The following HMCN1 variants were observed in gnomAD, a reference collection of about 807,000 sequenced individuals.
HMCN1 encodes hemicentin 1.
Under a neutral mutation model 625.9 loss-of-function variants are expected in HMCN1, and 321 were observed. The observed-to-expected ratio is 0.51, with a 90% CI of 0.47 to 0.56. HMCN1 has a LOEUF of 0.56. Among genes scored for constraint, HMCN1 ranks in the 20% least tolerant of loss-of-function variants. HMCN1 has a pLI of 0.00. For missense variants in HMCN1, 6,588 were observed against 6,887.3 expected, an observed-to-expected ratio of 0.96 and a Z score of 1.54; for synonymous variants, 2,425 against 2,417.6, an observed-to-expected ratio of 1.00 and a Z score of -0.09.
intron 72 of HMCN1, 134 bp downstream of exon 72, chr1:186,113,087 G>A: frequency 2.1e-6 from 2 of 972,784 alleles, no homozygotes; most frequent in Non-Finnish European, 3.1e-6. Context: ...AGGCAACGTG[G>A]AGTATTTGTA....
chr1:186,038,725 A>G, intron 37 of HMCN1, 104 bp from the exon 38 acceptor site: 1 of 728,562 alleles, frequency 1.4e-6, no homozygotes, highest in Non-Finnish European at 2.5e-6. Flanking sequence ...AAATTCAAAT[A>G]ATAAGTATAA....
At chr1:185,961,690 T>A (rs543334546) in intron 11 of HMCN1, among the ~76,000 whole-genome samples, 23 of 152,210 alleles carry the variant, frequency 1.5e-4, no homozygotes, top group Non-Finnish European at 3.1e-4. Flanking sequence ...TATATCAACA[T>A]CCCAGAATTA....
rs775339851 is a variant in HMCN1, at chr1:186,053,053, A to T, written c.6679A>T (p.Asn2227Tyr). The change falls in exon 43 of 107, where the codon AAT (asparagine) becomes TAT (tyrosine). Residue 2227 changes from asparagine to tyrosine, a missense_variant. Asn to Tyr is a moderately radical substitution (Grantham distance 143). Coordinates refer to ENST00000271588, the MANE Select transcript of HMCN1 (RefSeq NM_031935.3). ...LCESSGIPPPNLIWKKKGSPV... is the reference protein window; with the variant it reads ...LCESSGIPPPYLIWKKKGSPV... Reference sequence around the variant, plus strand: ...TGAATCAAGTGGTATTCCACCCCCAAATCTCATCTGGAAGAAGAAAGGTCA... The same window carrying T: ...TGAATCAAGTGGTATTCCACCCCCATATCTCATCTGGAAGAAGAAAGGTCA... 1.2e-6 allele frequency: 2 copies of T among 1,609,988 alleles called. No homozygotes were observed. The highest frequency in any genetic ancestry group is 2.2e-5 in the South Asian group (2 of 90,794).
chr1:186,035,240 G>T (rs1295795183), intron 36 of HMCN1, among the ~76,000 whole-genome samples: 5 of 152,098 alleles, frequency 3.3e-5, no homozygotes, highest in African/African-American at 1.2e-4. Flanking sequence ...TTAATACATG[G>T]AATTAAATGA....
chr1:185,998,042 G>A lies in HMCN1; in HGVS notation c.3874+518G>A, dbSNP rs148764551. Among the ~76,000 whole-genome samples, 1,198 of 152,018 alleles carry A rather than the reference G, an allele frequency of 7.9e-3. 26 individuals carry two copies. The highest frequency in any genetic ancestry group is 0.027 in the African/African-American group (1,136 of 41,492). On this transcript the variant is annotated intron_variant, in intron 25 of 106. Coordinates refer to ENST00000271588, the MANE Select transcript of HMCN1 (RefSeq NM_031935.3). ...AGCCCTTCCTTTCCTTGAATTTCTG[G>A]GCTTTCTATCCTACCATGTTTTCTG...
chr1:186,061,409 T>G (rs1166048874), intron 46 of HMCN1, among the ~76,000 whole-genome samples: 1 of 152,106 alleles, frequency 6.6e-6, no homozygotes. Context: ...ACCATTCCCA[T>G]GATCAGGTCA....
chr1:186,033,189 C>G, intron 36 of HMCN1, among the ~76,000 whole-genome samples: 1 of 151,762 alleles, frequency 6.6e-6, no homozygotes, highest in South Asian at 2.1e-4. Flanking sequence ...GTGAAGTAAC[C>G]CAGGAATGGA....
rs1015031181 is a variant in HMCN1 at position 186,053,967 on chromosome 1, A to G, written c.6843A>G (p.Glu2281=). The G allele has an allele frequency of 3.7e-6, 6 of 1,612,478 alleles. No individual in the cohort carries two copies. In the African/African-American group the frequency reaches 5.3e-5, roughly 14 times the overall value. ...ATGTTGCTGGGACTGCAAAGAAAGA[A>G]TACAATCTGCAAGTTTACAGTAAGT... ...ASNVAGTAKK[E]YNLQVYIRPT... Residue 2281 remains glutamate (E), a synonymous_variant, in exon 44 of 107, where the codon GAA becomes GAG. Coordinates refer to ENST00000271588, the MANE Select transcript of HMCN1 (RefSeq NM_031935.3).
At chr1:186,077,861 C>G (rs1047333079) in intron 54 of HMCN1, among the ~76,000 whole-genome samples, 1 of 152,152 alleles carries the variant, frequency 6.6e-6, no homozygotes, top group African/African-American at 2.4e-5. Flanking sequence ...GTAGCAGTCC[C>G]CCTTCTAGGA....
intron 55 of HMCN1, among the ~76,000 whole-genome samples, chr1:186,080,119 T>C (rs1009621805): frequency 6.6e-6 from 1 of 152,338 alleles, no homozygotes; most frequent in Middle Eastern, 3.4e-3. Context: ...CAGTTCAAAT[T>C]ATACATTTTA....
In HMCN1 at chr1:185,987,328, A is replaced by G. The variant is rs540643006; in HGVS notation, c.2936-104A>G. On this transcript the variant is annotated intron_variant, in intron 19 of 106. Transcript: ENST00000271588. Reference sequence around the variant, plus strand: ...ATCAGAAAATGTTAAATAATTGCTCATTTTTACAAACATTGATGTTGTAAT... The same window carrying G: ...ATCAGAAAATGTTAAATAATTGCTCGTTTTTACAAACATTGATGTTGTAAT... 8.1e-5 allele frequency: 64 copies of G among 786,748 alleles called. No individual in the cohort carries two copies. The Admixed American group carries it at 9.3e-4, about 11-fold the overall frequency. The allele number at this position is 786,748 out of a possible 1,614,324, so 48.7% of individuals were successfully genotyped here.
At chr1:185,990,963 A>G (rs914308521) in intron 22 of HMCN1, among the ~76,000 whole-genome samples, 5 of 152,208 alleles carry the variant, frequency 3.3e-5, no homozygotes, top group African/African-American at 1.2e-4. Context: ...AACCAGCTAT[A>G]AGTTTAAATT....
At chr1:185,925,467 G>A (rs1667230702) in intron 9 of HMCN1, among the ~76,000 whole-genome samples, 1 of 152,122 alleles carries the variant, frequency 6.6e-6, no homozygotes, top group African/African-American at 2.4e-5. Context: ...TTTTTAATTT[G>A]TGGGTCTGTT....
At chr1:186,048,069 A>T (rs953254499) in intron 41 of HMCN1, among the ~76,000 whole-genome samples, 10 of 152,260 alleles carry the variant, frequency 6.6e-5, no homozygotes, top group African/African-American at 2.4e-4. Flanking sequence ...TTATGTTCAC[A>T]TCCTTTATAT....
intron 11 of HMCN1, among the ~76,000 whole-genome samples, chr1:185,952,618 G>A (rs973318300): frequency 2.6e-5 from 4 of 151,840 alleles, no homozygotes; most frequent in East Asian, 1.9e-4. Context: ...CCATTTTCCG[G>A]CTATTTGGAA....
chr1:185,962,888 A>C (rs151213449), intron 12 of HMCN1, among the ~76,000 whole-genome samples: 1 of 152,298 alleles, frequency 6.6e-6, no homozygotes, highest in African/African-American at 2.4e-5. Context: ...AGTGCTTCCC[A>C]GTACTTTGAG....
intron 1 of HMCN1, among the ~76,000 whole-genome samples, chr1:185,751,367 G>A (rs1215739994): frequency 2.6e-5 from 4 of 151,866 alleles, no homozygotes; most frequent in Non-Finnish European, 5.9e-5. Context: ...TTGATGAAAA[G>A]TCTTCTCTTA....
At chr1:185,795,476 T>G (rs1658308158) in intron 1 of HMCN1, among the ~76,000 whole-genome samples, 1 of 152,176 alleles carries the variant, frequency 6.6e-6, no homozygotes, top group Admixed American at 6.5e-5. Context: ...CACATAAAAT[T>G]TGGTGCCCTC....
At chr1:185,827,030 G>T (rs906060364) in intron 1 of HMCN1, among the ~76,000 whole-genome samples, 1 of 151,870 alleles carries the variant, frequency 6.6e-6, no homozygotes, top group African/African-American at 2.4e-5. Flanking sequence ...AAAAAAATTG[G>T]CTGGGCGTGG....
Sources: allele counts gnomAD v4.1 joint callset (sites outside exome capture counted in the v4.1 genomes callset), GRCh38; gene constraint gnomAD v4.1.1; transcripts MANE v1.5; gene names NCBI Gene and HGNC (gene_info 2026-07-23, HGNC 2026-07-21).